Variants in STRN observed in about 807,000 individuals in gnomAD.
The protein encoded by STRN is protein phosphatase 2 regulatory subunit B'''alpha.
STRN carries 53 observed loss-of-function variants against 96.3 expected under a neutral mutation model. The observed-to-expected ratio is 0.55, with a 90% CI of 0.44 to 0.69. The LOEUF (loss-of-function observed/expected upper bound fraction) is 0.69. STRN is among the 30% of genes least tolerant of loss of function. The pLI is 0.00. For synonymous variants in STRN, 428 were observed against 355.9 expected (o/e 1.20, Z -2.28); for missense variants, 987 against 963.9 (o/e 1.02, Z -0.32).
chr2:36,886,848 A>T, intron 7 of STRN, 22 bp from the exon 8 acceptor site: 1 of 1,586,338 alleles, frequency 6.3e-7, no homozygotes, highest in Non-Finnish European at 8.6e-7. Context: ...GAAACAAATG[A>T]AACAGCCTTT....
At chr2:36,948,290 G>A (rs950289751) in intron 1 of STRN, among the ~76,000 whole-genome samples, 3 of 151,446 alleles carry the variant, frequency 2.0e-5, no homozygotes, top group South Asian at 2.1e-4. Flanking sequence ...TAGTAGAGAC[G>A]GGTTTCACCA....
intron 12 of STRN, among the ~76,000 whole-genome samples, chr2:36,863,717 G>T (rs762509507): frequency 5.3e-5 from 8 of 152,158 alleles, no homozygotes; most frequent in Non-Finnish European, 1.2e-4. Flanking sequence ...AGTTTGATAG[G>T]AATAGCATTG....
intron 7 of STRN, among the ~76,000 whole-genome samples, chr2:36,891,534 A>T (rs1183072719): frequency 6.7e-6 from 1 of 150,308 alleles, no homozygotes; most frequent in Non-Finnish European, 1.5e-5. Context: ...AAAAAAAAAG[A>T]TTCAACAAAT....
intron 9 of STRN, among the ~76,000 whole-genome samples, chr2:36,880,459 G>A (rs1381615355): frequency 2.0e-5 from 3 of 152,120 alleles, no homozygotes; most frequent in Non-Finnish European, 4.4e-5. Context: ...TTTAAAAATA[G>A]TTACTTGCTT....
chr2:36,851,412 G>A (rs142531436), intron 15 of STRN, among the ~76,000 whole-genome samples: 1 of 152,258 alleles, frequency 6.6e-6, no homozygotes, highest in African/African-American at 2.4e-5. Context: ...GAACCCGGGA[G>A]ATGGAAGTTG....
Position 36,844,672 on chromosome 2 carries a change from G to T in STRN, c.*4784C>A, listed in dbSNP as rs984939669. On this transcript the variant is annotated 3_prime_UTR_variant, in exon 18 of 18. Coordinates refer to ENST00000263918, the MANE Select transcript of STRN (RefSeq NM_003162.4). ...TAGGGATCTGTTTGGCCTAACATTT[G>T]TTTTTTTTAGAATTAAAAAAACAAA... 2 of 151,488 alleles carry T rather than the reference G, an allele frequency of 1.3e-5. No homozygotes were observed. The highest frequency in any genetic ancestry group is 4.8e-5 in the African/African-American group (2 of 41,262). 9.4% of individuals were successfully genotyped at this position (151,488 alleles called of 1,614,324 possible).
At chr2:36,900,824 C>A (rs747431411) in intron 5 of STRN, among the ~76,000 whole-genome samples, 3 of 151,976 alleles carry the variant, frequency 2.0e-5, no homozygotes, top group Non-Finnish European at 4.4e-5. Context: ...ACCCGGGAGG[C>A]AGAGGTTGCA....
intron 6 of STRN, among the ~76,000 whole-genome samples, chr2:36,894,463 T>C (rs1368208283): frequency 6.6e-6 from 1 of 152,242 alleles, no homozygotes; most frequent in African/African-American, 2.4e-5. Flanking sequence ...GTTGCTATGG[T>C]TCATTTTTCT....
intron 6 of STRN, among the ~76,000 whole-genome samples, chr2:36,895,155 G>A (rs1425089019): frequency 6.6e-6 from 1 of 151,992 alleles, no homozygotes; most frequent in Middle Eastern, 3.2e-3. Context: ...GTGAAACCCT[G>A]TCTCTACTAA....
chr2:36,921,473 T>G (rs1470431463), intron 2 of STRN, among the ~76,000 whole-genome samples: 1 of 152,218 alleles, frequency 6.6e-6, no homozygotes, highest in African/African-American at 2.4e-5. Context: ...ATAATACTGA[T>G]GATTCCCAAG....
chr2:36,867,949 A>C, intron 11 of STRN, 88 bp from the exon 12 acceptor site: 1 of 1,052,600 alleles, frequency 9.5e-7, no homozygotes, highest in Non-Finnish European at 1.4e-6. Flanking sequence ...TTAAAAATAC[A>C]AACATTATGG....
At position 36,849,401 on chromosome 2, in the gene STRN, C is replaced by G. The variant is rs1316378284; in HGVS notation, c.*55G>C. The G allele has an allele frequency of 6.3e-7, 1 of 1,590,022 alleles. No homozygotes were observed. Among genetic ancestry groups the G allele is most frequent in the Middle Eastern group, 1.7e-4 (1 of 5,960 alleles). ...ATTCTTGCCCTCGTCTTCTGTATCT[C>G]TTGTGTGCAGTTGATTACTTATAAA... On this transcript the variant is annotated 3_prime_UTR_variant, in exon 18 of 18. Transcript: ENST00000263918.
intron 10 of STRN, among the ~76,000 whole-genome samples, chr2:36,870,058 T>C (rs1338281241): frequency 6.6e-6 from 1 of 152,158 alleles, no homozygotes; most frequent in African/African-American, 2.4e-5. Context: ...TATACAAGTA[T>C]AATTTTGGGT....
At chr2:36,911,568 A>G (rs1669966104) in intron 3 of STRN, among the ~76,000 whole-genome samples, 1 of 152,160 alleles carries the variant, frequency 6.6e-6, no homozygotes, top group Non-Finnish European at 1.5e-5. Flanking sequence ...TGCAAAACCC[A>G]AAATATTTAC....
intron 9 of STRN, among the ~76,000 whole-genome samples, chr2:36,878,731 TTTTTTTA>T (rs1371820399): frequency 6.6e-6 from 1 of 152,100 alleles, no homozygotes; most frequent in African/African-American, 2.4e-5. Context: ...ATCTAAAATT[TTTTTTTA>T]TTTTTTATTT....
chr2:36,935,176 T>TG (rs1274445781), intron 1 of STRN, among the ~76,000 whole-genome samples: 2 of 152,224 alleles, frequency 1.3e-5, no homozygotes, highest in African/African-American at 4.8e-5. Context: ...CTCCATGCCT[T>TG]GGCTTATGCC....
At chr2:36,909,157 C>CAAA (rs78134786) in intron 3 of STRN, among the ~76,000 whole-genome samples, 14 of 74,070 alleles carry the variant, frequency 1.9e-4, no homozygotes, top group African/African-American at 6.3e-4. Flanking sequence ...GACTTCATCT[C>CAAA]AAAAAAAAAA....
intron 6 of STRN, among the ~76,000 whole-genome samples, chr2:36,898,232 C>T (rs933978169): frequency 1.4e-4 from 21 of 152,190 alleles, no homozygotes; most frequent in Non-Finnish European, 2.6e-4. Context: ...AATAATATCT[C>T]AATGCCAGCA....
rs942939849 is a variant in STRN, at chr2:36,951,237, G to A, written c.234+14993C>T. ...AGTGATTAACACACAAGGCGGGGTG[G>A]AAGGAGACAACACTATACTCACAAC... On this transcript the variant is annotated intron_variant, in intron 1 of 17. Transcript: ENST00000263918. Among the ~76,000 whole-genome samples, 9 of 152,178 alleles carry A rather than the reference G, an allele frequency of 5.9e-5. 1 individual carries two copies. Among genetic ancestry groups the A allele is most frequent in the Admixed American group, 3.3e-4 (5 of 15,280 alleles).
Sources: gnomAD v4.1 joint callset for allele counts (sites outside exome capture counted in the v4.1 genomes callset) on GRCh38, gnomAD v4.1.1 for gene constraint, MANE v1.5 for transcripts, NCBI Gene and HGNC (gene_info 2026-07-23, HGNC 2026-07-21) for gene names.